The following ZNF316 variants were observed in gnomAD, a reference collection of about 807,000 sequenced individuals.
ZNF316 encodes zinc finger protein 316.
A neutral mutation model predicts 75.6 loss-of-function variants in ZNF316; 23 were observed. That is an observed-to-expected ratio of 0.30 (90% CI 0.22 to 0.43). The LOEUF (loss-of-function observed/expected upper bound fraction) is 0.43, where lower values mean the gene tolerates loss of function less well. Among genes scored for constraint, ZNF316 ranks in the 20% least tolerant of loss-of-function variants. ZNF316 has a pLI of 1.00. For synonymous variants in ZNF316, 827 were observed against 666.2 expected, an observed-to-expected ratio of 1.24 and a Z score of -3.72; for missense variants, 1,266 against 1,409.4, an observed-to-expected ratio of 0.90 and a Z score of 1.63.
In ZNF316 at chr7:6,653,254, CCGAGGAGAGAGAGGAGGCGGCGGT is replaced by C; in HGVS notation, c.1659_1682del (p.Glu554_Val561del). ...GCGGACGGAGAGGCGGAGGCCGCGG[CCGAGGAGAGAGAGGAGGCGGCGGT>C]GGCGGCGCCCACCCCCAGCGGCAAG... On this transcript the variant is annotated inframe_deletion, in exon 9 of 9. Transcript: ENST00000382252. 1 of 1,226,810 alleles carries C rather than the reference CCGAGGAGAGAGAGGAGGCGGCGGT, an allele frequency of 8.2e-7. No individual in the cohort carries two copies. Among genetic ancestry groups the C allele is most frequent in the Non-Finnish European group, 1.0e-6 (1 of 985,294 alleles). The allele number at this position is 1,226,810 out of a possible 1,614,324, so 76.0% of individuals were successfully genotyped here.
chr7:6,638,839 A>T (rs1386148424), intron 2 of ZNF316, among the ~76,000 whole-genome samples: 1 of 152,124 alleles, frequency 6.6e-6, no homozygotes, highest in Non-Finnish European at 1.5e-5. Flanking sequence ...TTGGATGCCG[A>T]GGGAGAAGTG....
chr7:6,653,447 C>A lies in ZNF316; in HGVS notation c.1851C>A (p.Gly617=). The A allele has an allele frequency of 1.6e-6, 2 of 1,227,934 alleles. No individual in the cohort carries two copies. The highest frequency in any genetic ancestry group is 2.0e-6 in the Non-Finnish European group (2 of 985,836). 76.1% of individuals were successfully genotyped at this position (1,227,934 alleles called of 1,614,324 possible). The part of the protein sequence containing the change: ...WLHPDSFPIL[G]LPDFRERLPV... ...ACCCGGACAGCTTCCCGATCCTGGG[C>A]CTACCCGACTTCCGAGAGCGGCTGC... Residue 617 remains glycine, a synonymous_variant, in exon 9 of 9, where the codon GGC becomes GGA. Transcript: ENST00000382252.
intron 8 of ZNF316, among the ~76,000 whole-genome samples, chr7:6,651,223 C>T (rs573157691): frequency 5.3e-5 from 8 of 152,120 alleles, no homozygotes; most frequent in South Asian, 2.1e-4. Context: ...TCTGGGCGCA[C>T]GCCTGTAACT....
chr7:6,644,680 C>T, intron 8 of ZNF316, 87 bp downstream of exon 8: 1 of 649,874 alleles, frequency 1.5e-6, no homozygotes. Flanking sequence ...TCTCTGCAGA[C>T]CTGGTACCTG....
Position 6,653,086 on chromosome 7 carries a change from G to T in ZNF316, c.1490G>T (p.Arg497Leu), listed in dbSNP as rs1190826662. Residue 497 changes from arginine to leucine, a missense_variant, in exon 9 of 9, where the codon CGC becomes CTC. Arg to Leu is a moderately radical substitution (Grantham distance 102, BLOSUM62 -2). This residue lies in a region of ZNF316 where 961 missense variants were observed against 990.9 expected (regional missense o/e 0.97). Transcript: ENST00000382252. ...CPDCGQAFRL[R>L]ADFQRHRRGG... ...GACTGCGGCCAGGCCTTCCGCCTGC[G>T]CGCCGACTTCCAGCGCCACCGACGC... 2.5e-6 allele frequency: 3 copies of T among 1,198,206 alleles called. No homozygotes were observed. In the Admixed American group the frequency reaches 1.3e-4, roughly 53 times the overall value. 74.2% of individuals were successfully genotyped at this position (1,198,206 alleles called of 1,614,324 possible).
chr7:6,642,926 G>A lies in ZNF316; in HGVS notation c.356-38G>A, dbSNP rs1779336184. On this transcript the variant is annotated intron_variant, in intron 5 of 8. Transcript: ENST00000382252. This position sits in a 1 kb window ranked among gnomAD's most constrained non-coding sequence, Gnocchi z 8.1. ...GGGCTCCTGGCCCTGCAGGCTGGGG[G>A]CTCAGGGCAGCTGGCCCTAAGAGAT... 4.6e-5 allele frequency: 57 copies of A among 1,232,386 alleles called. No individual in the cohort carries two copies. The highest frequency in any genetic ancestry group is 5.8e-5 in the Non-Finnish European group (57 of 988,218). The allele number at this position is 1,232,386 out of a possible 1,614,324, so 76.3% of individuals were successfully genotyped here.
At position 6,653,550 on chromosome 7, in the gene ZNF316, C is replaced by T; in HGVS notation, c.1954C>T (p.Pro652Ser). The T allele has an allele frequency of 1.7e-6, 2 of 1,191,116 alleles. No individual in the cohort carries two copies. Among genetic ancestry groups the T allele is most frequent in the South Asian group, 8.3e-5 (2 of 24,014 alleles). 73.8% of individuals were successfully genotyped at this position (1,191,116 alleles called of 1,614,324 possible). ...GGAGGGTACCGGGCTGGCGTGCGAC[C>T]CTTTCGGCGGCGGCGGGGCCGCGGG... is the stretch of plus-strand genomic sequence containing the variant. ...LVEGTGLACD[P>S]FGGGGAAGGG... The change falls in exon 9 of 9, where the codon CCT becomes TCT. Residue 652 changes from proline to serine, a missense_variant. Pro to Ser is a moderately conservative substitution (Grantham distance 74, BLOSUM62 -1). This residue lies in a region of ZNF316 where 961 missense variants were observed against 990.9 expected (regional missense o/e 0.97). Coordinates refer to ENST00000382252, the MANE Select transcript of ZNF316 (RefSeq NM_001278559.2).
Position 6,654,434 on chromosome 7 carries a change from G to C in ZNF316, c.2838G>C (p.Ser946=). Residue 946 remains serine (S), a synonymous_variant, in exon 9 of 9, where the codon TCG becomes TCC. Transcript: ENST00000382252. The part of the protein sequence containing the change: ...THRGATAAPG[S]GSAPAPAPKP... ...GCGGAGCCACCGCAGCGCCGGGCTC[G>C]GGTTCGGCCCCAGCCCCCGCGCCCA... is the stretch of plus-strand genomic sequence containing the variant. 3 of 1,206,626 alleles carry C rather than the reference G, an allele frequency of 2.5e-6. No individual in the cohort carries two copies. The highest frequency in any genetic ancestry group is 3.3e-4 in the Middle Eastern group (1 of 3,062). 74.7% of individuals were successfully genotyped at this position (1,206,626 alleles called of 1,614,324 possible).
Position 6,653,299 on chromosome 7 carries a change from G to A in ZNF316, c.1703G>A (p.Gly568Asp). ...GCGGTGGCGGCGCCCACCCCCAGCG[G>A]CAAGGTGGACCCCGCGCCGGAACGG... ...EAAVAAPTPS[G>D]KVDPAPERRF... is the part of the protein sequence containing the mutation. Residue 568 changes from glycine to aspartate, a missense_variant, in exon 9 of 9, where the codon GGC (glycine) becomes GAC (aspartate). By Grantham distance (94) the Gly-to-Asp change is moderately conservative. Transcript: ENST00000382252. 1 of 1,227,598 alleles carries A rather than the reference G, an allele frequency of 8.1e-7. No homozygotes were observed. Among genetic ancestry groups the A allele is most frequent in the Non-Finnish European group, 1.0e-6 (1 of 985,846 alleles). 76.0% of individuals were successfully genotyped at this position (1,227,598 alleles called of 1,614,324 possible). A position where few individuals can be genotyped will look rare whatever the true frequency, so the allele number is the denominator to read the frequency against.
Position 6,652,848 on chromosome 7 carries a change from A to G in ZNF316, c.1252A>G (p.Thr418Ala). The G allele has an allele frequency of 2.4e-6, 3 of 1,246,648 alleles. No homozygotes were observed. Among genetic ancestry groups the G allele is most frequent in the Non-Finnish European group, 3.0e-6 (3 of 995,338 alleles). The allele number at this position is 1,246,648 out of a possible 1,614,324, so 77.2% of individuals were successfully genotyped here. Residue 418 changes from threonine to alanine, a missense_variant, in exon 9 of 9, where the codon ACG (threonine) becomes GCG (alanine). Thr to Ala is a moderately conservative substitution (Grantham distance 58). Transcript: ENST00000382252. ...KRFVYKSHLV[T>A]HRRIHTGERP... ...CTTCGTCTACAAGTCGCACCTGGTT[A>G]CGCACCGACGCATCCATACTGGCGA...
chr7:6,649,082 G>T (rs960918134), intron 8 of ZNF316, among the ~76,000 whole-genome samples: 1 of 152,126 alleles, frequency 6.6e-6, no homozygotes, highest in Non-Finnish European at 1.5e-5. Context: ...AGTGTTCCCA[G>T]TTCAGGACAT....
intron 8 of ZNF316, among the ~76,000 whole-genome samples, chr7:6,648,960 A>ACAGCCC (rs962350266): frequency 2.6e-5 from 4 of 152,112 alleles, no homozygotes; most frequent in Non-Finnish European, 4.4e-5. Flanking sequence ...CGTTCCTGTG[A>ACAGCCC]CAGCCCCAGC....
intron 8 of ZNF316, among the ~76,000 whole-genome samples, chr7:6,646,223 C>T (rs534617043): frequency 1.2e-4 from 19 of 152,240 alleles, no homozygotes; most frequent in African/African-American, 2.6e-4. Flanking sequence ...CCCTTCGTGC[C>T]GCCATTCTCC....
intron 8 of ZNF316, among the ~76,000 whole-genome samples, chr7:6,645,672 G>A (rs2462656): frequency 0.55 from 82,457 of 148,622 alleles, 23,859 homozygotes; most frequent in East Asian, 0.81. Context: ...TGACAAAGTG[G>A]GCCTCTGTCT....
chr7:6,649,607 CAGG>C (rs1779468741), intron 8 of ZNF316, among the ~76,000 whole-genome samples: 1 of 152,100 alleles, frequency 6.6e-6, no homozygotes, highest in South Asian at 2.1e-4. Flanking sequence ...TGGCCTGGGG[CAGG>C]CTGGTCTCCC....
At chr7:6,648,697 G>GC (rs1430668551) in intron 8 of ZNF316, among the ~76,000 whole-genome samples, 1 of 152,172 alleles carries the variant, frequency 6.6e-6, no homozygotes, top group Non-Finnish European at 1.5e-5. Context: ...CAGAGCCCGG[G>GC]CCCCCCAGCT....
rs1477047038 is a variant in ZNF316 at position 6,637,432 on chromosome 7, C to T, written c.-446C>T. Reference sequence around the variant, plus strand: ...CCCGGTGTCCGGCCCGTGGCTCGGCCAGCCCGGCCCGCGCGGTGAGTGGGT... The same window carrying T: ...CCCGGTGTCCGGCCCGTGGCTCGGCTAGCCCGGCCCGCGCGGTGAGTGGGT... On this transcript the variant is annotated 5_prime_UTR_variant, in exon 1 of 9. Transcript: ENST00000382252. The surrounding 1 kb of genome is among the most constrained non-coding windows in gnomAD (Gnocchi z 6.2). 2.7e-5 allele frequency: 4 copies of T among 146,630 alleles called. No individual in the cohort carries two copies. Among genetic ancestry groups the T allele is most frequent in the East Asian group, 2.0e-4 (1 of 5,034 alleles). The allele number at this position is 146,630 out of a possible 1,614,324, so 9.1% of individuals were successfully genotyped here.
chr7:6,653,748 C>T lies in ZNF316; in HGVS notation c.2152C>T (p.Pro718Ser). 9.1e-7 allele frequency: 1 copy of T among 1,096,442 alleles called. No individual in the cohort carries two copies. The highest frequency in any genetic ancestry group is 1.1e-6 in the Non-Finnish European group (1 of 899,716). 67.9% of individuals were successfully genotyped at this position (1,096,442 alleles called of 1,614,324 possible). ...CCAGCGCTACCACGCGGGCGAGCGG[C>T]CGCATCGCTGCGCCGACTGCGGCAA... The part of the protein sequence containing the change: ...KHQRYHAGER[P>S]HRCADCGKSF... The change falls in exon 9 of 9, where the codon CCG (proline) becomes TCG (serine). Residue 718 changes from proline (P) to serine (S), a missense_variant. Pro to Ser is a moderately conservative substitution (Grantham distance 74). Transcript: ENST00000382252.
intron 8 of ZNF316, 30 bp from the exon 9 acceptor site, chr7:6,652,273 T>C (rs1250904795): frequency 8.1e-7 from 1 of 1,232,144 alleles, no homozygotes; most frequent in East Asian, 3.2e-5. Flanking sequence ...CACTTACCTC[T>C]CTCTTCTGGC....
Sources: allele counts gnomAD v4.1 joint callset (sites outside exome capture counted in the v4.1 genomes callset), GRCh38; gene constraint gnomAD v4.1.1; regional missense constraint gnomAD v4.1.1; non-coding constraint Gnocchi (gnomAD v3.1); transcripts MANE v1.5; gene names NCBI Gene and HGNC (gene_info 2026-07-23, HGNC 2026-07-21).